Variants in DTNBP1 observed in about 807,000 individuals in gnomAD.
DTNBP1 encodes the protein dystrobrevin binding protein 1.
Under a neutral mutation model 42.8 loss-of-function variants are expected in DTNBP1, and 35 were observed. The ratio of observed to expected loss-of-function variants is 0.82; its 90% CI spans 0.63 to 1.09. DTNBP1 has a LOEUF of 1.09. Ranked by LOEUF, DTNBP1 falls within the 50% of genes least tolerant of loss-of-function variation. DTNBP1 has a pLI of 0.00. For missense variants in DTNBP1, 457 were observed against 424.2 expected, an observed-to-expected ratio of 1.08 and a Z score of -0.68; for synonymous variants, 171 against 162.2, an observed-to-expected ratio of 1.05 and a Z score of -0.41.
intron 7 of DTNBP1, among the ~76,000 whole-genome samples, chr6:15,535,360 AAGTGCAGTGACAGTGGTGCGAT>A (rs1340993303): frequency 6.6e-6 from 1 of 152,072 alleles, no homozygotes. Context: ...CCCCAAGCTG[AAGTGCAGTGACAGTGGTGCGAT>A]CTCAGTTCAC....
At chr6:15,586,070 G>C in intron 7 of DTNBP1, 1 of 1,118,414 alleles carries the variant, frequency 8.9e-7, no homozygotes, top group Non-Finnish European at 1.1e-6. Context: ...GGAGGGGAGG[G>C]AAGGCTGAAA....
Position 15,523,224 on chromosome 6 carries a change from A to G in DTNBP1, c.812-5T>C. On this transcript the variant is annotated splice_polypyrimidine_tract_variant and splice_region_variant and intron_variant, in intron 9 of 9. Coordinates refer to ENST00000344537, the MANE Select transcript of DTNBP1 (RefSeq NM_032122.5). ...GACAGGTACTGGATTCAGGCCCTGC[A>G]AAATAACGTAGGGAAGAAAAAGCCC... The G allele has an allele frequency of 3.7e-6, 6 of 1,614,066 alleles. No homozygotes were observed. The highest frequency in any genetic ancestry group is 4.2e-6 in the Non-Finnish European group (5 of 1,179,998).
At chr6:15,536,133 A>C (rs764888330) in intron 7 of DTNBP1, among the ~76,000 whole-genome samples, 10 of 152,266 alleles carry the variant, frequency 6.6e-5, no homozygotes, top group Non-Finnish European at 1.3e-4. Flanking sequence ...TTACAAGAAA[A>C]GCAAAACATA....
chr6:15,559,235 G>A (rs777941192), intron 7 of DTNBP1, among the ~76,000 whole-genome samples: 2 of 152,170 alleles, frequency 1.3e-5, no homozygotes, highest in African/African-American at 4.8e-5. Context: ...CGTCAAGGCT[G>A]ATCCTCTTAC....
rs147187411 is a variant in DTNBP1, at chr6:15,566,509, A to T, written c.511+26550T>A. On this transcript the variant is annotated intron_variant, in intron 7 of 9. Coordinates refer to ENST00000344537, the MANE Select transcript of DTNBP1 (RefSeq NM_032122.5). Reference sequence around the variant, plus strand: ...GACCAGCACTAACTTTAAAACACAGATCCTAAGACAGACAGAACAAACTCT... The same window carrying T: ...GACCAGCACTAACTTTAAAACACAGTTCCTAAGACAGACAGAACAAACTCT... 1.2e-4 allele frequency among the ~76,000 whole-genome samples: 18 copies of T among 152,192 alleles called. No individual in the cohort carries two copies. In the East Asian group the frequency reaches 3.5e-3, roughly 29 times the overall value.
chr6:15,590,443 C>A (rs1360782776), intron 7 of DTNBP1, among the ~76,000 whole-genome samples: 2 of 152,158 alleles, frequency 1.3e-5, no homozygotes, highest in Non-Finnish European at 2.9e-5. Flanking sequence ...CTTCCTGTTT[C>A]TCTGACCACT....
rs760429476 is a variant in DTNBP1, at chr6:15,524,539, C to T, written c.798G>A (p.Leu266=). ...TGTCAACCCTACCTAAGGCGGGGGA[C>T]AGCACAGTGTTCTCTTCTCCTCCAG... The part of the protein sequence containing the change: ...LNSGGEENTV[L]SPALGPESST... The change falls in exon 9 of 10, where the codon CTG becomes CTA. Residue 266 remains leucine, a synonymous_variant. Transcript: ENST00000344537. The T allele has an allele frequency of 6.2e-7, 1 of 1,608,554 alleles. No individual in the cohort carries two copies. The highest frequency in any genetic ancestry group is 1.1e-5 in the South Asian group (1 of 90,328).
At chr6:15,572,266 A>G (rs1256746662) in intron 7 of DTNBP1, among the ~76,000 whole-genome samples, 1 of 152,186 alleles carries the variant, frequency 6.6e-6, no homozygotes. Flanking sequence ...ACATGCAGCT[A>G]TAAGTGATAA....
At chr6:15,545,128 C>A (rs956122644) in intron 7 of DTNBP1, among the ~76,000 whole-genome samples, 9 of 151,966 alleles carry the variant, frequency 5.9e-5, no homozygotes, top group African/African-American at 2.2e-4. Flanking sequence ...CAATCTCCTG[C>A]CCCCACTTAA....
chr6:15,529,005 C>T (rs1282768300), intron 8 of DTNBP1, among the ~76,000 whole-genome samples: 1 of 152,212 alleles, frequency 6.6e-6, no homozygotes, highest in Non-Finnish European at 1.5e-5. Flanking sequence ...ATGTCCAAGG[C>T]CGGGTGTGGT....
intron 7 of DTNBP1, among the ~76,000 whole-genome samples, chr6:15,576,741 C>A (rs531415387): frequency 2.7e-5 from 4 of 148,120 alleles, no homozygotes; most frequent in South Asian, 4.3e-4. Flanking sequence ...TGCACTCCAG[C>A]CTAAATGACA....
chr6:15,574,800 C>T (rs1385016250), intron 7 of DTNBP1, among the ~76,000 whole-genome samples: 1 of 152,000 alleles, frequency 6.6e-6, no homozygotes, highest in Non-Finnish European at 1.5e-5. Context: ...GGTGGTAGGA[C>T]CCTCTAATAT....
At chr6:15,560,262 T>C (rs1774767562) in intron 7 of DTNBP1, among the ~76,000 whole-genome samples, 1 of 151,818 alleles carries the variant, frequency 6.6e-6, no homozygotes, top group South Asian at 2.1e-4. Context: ...GCCGAGATCA[T>C]GTCACTGCAC....
intron 8 of DTNBP1, among the ~76,000 whole-genome samples, chr6:15,524,891 T>C (rs1171804314): frequency 2.0e-5 from 3 of 152,208 alleles, no homozygotes; most frequent in East Asian, 3.8e-4. Context: ...CCTTAATCTG[T>C]TCATCCCCAG....
At chr6:15,523,253 CAT>C in intron 9 of DTNBP1, 34 bp from the exon 10 acceptor site, 1 of 1,613,080 alleles carries the variant, frequency 6.2e-7, no homozygotes, top group Non-Finnish European at 8.5e-7. Flanking sequence ...AAAGCCCTGT[CAT>C]AAAAATATTG....
intron 7 of DTNBP1, among the ~76,000 whole-genome samples, chr6:15,540,249 C>T (rs976188846): frequency 6.6e-6 from 1 of 152,130 alleles, no homozygotes; most frequent in Admixed American, 6.5e-5. Flanking sequence ...CTTCAGTTGT[C>T]AACATATCTG....
chr6:15,620,559 C>T (rs1029716783), intron 5 of DTNBP1, among the ~76,000 whole-genome samples: 6 of 152,062 alleles, frequency 3.9e-5, no homozygotes, highest in Admixed American at 2.6e-4. Context: ...ACTCCTAGTA[C>T]TAAAGAAGCA....
At chr6:15,554,360 G>A (rs1774393109) in intron 7 of DTNBP1, among the ~76,000 whole-genome samples, 1 of 152,112 alleles carries the variant, frequency 6.6e-6, no homozygotes. Flanking sequence ...TGGAATTACA[G>A]GTGCATACCA....
chr6:15,540,253 A>G (rs1773481352), intron 7 of DTNBP1, among the ~76,000 whole-genome samples: 1 of 152,228 alleles, frequency 6.6e-6, no homozygotes, highest in South Asian at 2.1e-4. Flanking sequence ...AGTTGTCAAC[A>G]TATCTGTTCA....
Sources: allele counts gnomAD v4.1 joint callset (sites outside exome capture counted in the v4.1 genomes callset), GRCh38; gene constraint gnomAD v4.1.1; transcripts MANE v1.5; gene names NCBI Gene and HGNC (gene_info 2026-07-23, HGNC 2026-07-21).